Variants in TMEM170A observed in about 807,000 individuals in gnomAD.
TMEM170A encodes transmembrane protein 170A.
TMEM170A carries 18 observed loss-of-function variants against 12.8 expected under a neutral mutation model. That is an observed-to-expected ratio of 1.41 (90% CI 0.97 to 2.09). The LOEUF (loss-of-function observed/expected upper bound fraction) is 2.09. TMEM170A is among the 30% of genes most tolerant of loss of function. The pLI is 0.00. For missense variants in TMEM170A, 220 were observed against 179.9 expected (o/e 1.22, Z -1.28); for synonymous variants, 107 against 76.2 (o/e 1.40, Z -2.11).
In TMEM170A at chr16:75,444,530, C is replaced by G. The variant is rs2079552114; in HGVS notation, c.*3028G>C. ...AAGAAATCAGTTTTTGGCAAAAATT[C>G]TCAAAACTATATAAGGTAAAATGTT... On this transcript the variant is annotated 3_prime_UTR_variant, in exon 3 of 3. Coordinates refer to ENST00000561878, the MANE Select transcript of TMEM170A (RefSeq NM_145254.3). 3 of 152,096 alleles carry G rather than the reference C, an allele frequency of 2.0e-5. No homozygotes were observed. Among genetic ancestry groups the G allele is most frequent in the Admixed American group, 2.0e-4 (3 of 15,252 alleles). The allele number at this position is 152,096 out of a possible 1,614,324, so 9.4% of individuals were successfully genotyped here. A position where few individuals can be genotyped will look rare whatever the true frequency, so the allele number is the denominator to read the frequency against.
intron 2 of TMEM170A, among the ~76,000 whole-genome samples, chr16:75,448,736 C>T (rs1291544827): frequency 2.0e-5 from 3 of 151,834 alleles, no homozygotes; most frequent in Non-Finnish European, 2.9e-5. Context: ...TGCACTCAAG[C>T]CTGGGCAACA....
In TMEM170A at chr16:75,447,495, T is replaced by A; in HGVS notation, c.*63A>T. 2 of 1,546,312 alleles carry A rather than the reference T, an allele frequency of 1.3e-6. No homozygotes were observed. Among genetic ancestry groups the A allele is most frequent in the South Asian group, 2.4e-5 (2 of 82,576 alleles). On this transcript the variant is annotated 3_prime_UTR_variant, in exon 3 of 3. Transcript: ENST00000561878. ...AGAACTAAGAAAACACTACACTCCA[T>A]AATGTATTCTTTTGGAGGATTCCAT...
intron 2 of TMEM170A, 53 bp from the exon 3 acceptor site, chr16:75,447,741 ACT>A (rs2079613311): frequency 6.5e-7 from 1 of 1,546,682 alleles, no homozygotes; most frequent in Non-Finnish European, 8.7e-7. Context: ...AGGTTAACAA[ACT>A]CACGAAAATA....
chr16:75,459,730 GC>G (rs2079869006), intron 1 of TMEM170A, among the ~76,000 whole-genome samples: 1 of 151,954 alleles, frequency 6.6e-6, no homozygotes, highest in African/African-American at 2.4e-5. Flanking sequence ...GGTGGTGTCT[GC>G]CTCTAATCCC....
chr16:75,449,452 C>CT (rs1455012065), intron 2 of TMEM170A, among the ~76,000 whole-genome samples: 5 of 151,910 alleles, frequency 3.3e-5, no homozygotes. Flanking sequence ...GCAGCTGGGA[C>CT]TACAGGCACA....
rs1209231834 is a variant in TMEM170A at position 75,463,890 on chromosome 16, A to G, written c.133+578T>C. 2.6e-5 allele frequency among the ~76,000 whole-genome samples: 4 copies of G among 152,334 alleles called. No individual in the cohort carries two copies. The East Asian group carries it at 7.7e-4, about 29-fold the overall frequency. Reference sequence around the variant, plus strand: ...ATCTCGAAGGCTTAGTGGGAGACCCAGCAACAGGTGGCACCAGGTCTGGGA... The same window carrying G: ...ATCTCGAAGGCTTAGTGGGAGACCCGGCAACAGGTGGCACCAGGTCTGGGA... On this transcript the variant is annotated intron_variant, in intron 1 of 2. Transcript: ENST00000561878.
At chr16:75,464,153 T>C in intron 1 of TMEM170A, 2 of 1,413,638 alleles carry the variant, frequency 1.4e-6, no homozygotes, top group Non-Finnish European at 9.5e-7. Flanking sequence ...GGGGTGCAGC[T>C]CTGAACCTGA....
chr16:75,448,436 G>C (rs987788622), intron 2 of TMEM170A, among the ~76,000 whole-genome samples: 10 of 152,318 alleles, frequency 6.6e-5, no homozygotes, highest in African/African-American at 2.4e-4. Flanking sequence ...CCAAGGAAGT[G>C]TACCAAGAAA....
At chr16:75,459,663 C>G (rs947793810) in intron 1 of TMEM170A, among the ~76,000 whole-genome samples, 16 of 152,174 alleles carry the variant, frequency 1.1e-4, no homozygotes, top group African/African-American at 3.6e-4. Context: ...TCAAGACCAG[C>G]CTGGCCAACA....
At chr16:75,464,357 C>A (rs2079960021) in intron 1 of TMEM170A, 111 bp downstream of exon 1, 4 of 1,382,018 alleles carry the variant, frequency 2.9e-6, no homozygotes, top group South Asian at 1.7e-5. Context: ...AGGACAGCGC[C>A]CACGCCGCCA....
At position 75,464,494 on chromosome 16, in the gene TMEM170A, T is replaced by G. The variant is rs1397514152; in HGVS notation, c.107A>C (p.Asn36Thr). Residue 36 changes from asparagine (N) to threonine (T), a missense_variant, in exon 1 of 3, where the codon AAC (asparagine) becomes ACC (threonine). Transcript: ENST00000561878. ...PRVGNGTLCPNSTSLCSFPEM... is the reference protein window; with the variant it reads ...PRVGNGTLCPTSTSLCSFPEM... Reference sequence around the variant, plus strand: ...TGGGAAGGAGCAGAGGGAAGTAGAGTTGGGGCACAGGGTCCCGTTGCCCAC... The same window carrying G: ...TGGGAAGGAGCAGAGGGAAGTAGAGGTGGGGCACAGGGTCCCGTTGCCCAC... The G allele has an allele frequency of 6.4e-7, 1 of 1,572,992 alleles. No homozygotes were observed. Among genetic ancestry groups the G allele is most frequent in the Admixed American group, 1.8e-5 (1 of 54,268 alleles).
intron 1 of TMEM170A, among the ~76,000 whole-genome samples, chr16:75,454,849 G>C (rs1168223863): frequency 3.9e-5 from 6 of 152,106 alleles, no homozygotes. Flanking sequence ...AGGGTAATTT[G>C]GAAGTCAAAT....
In TMEM170A at chr16:75,464,557, A is replaced by G; in HGVS notation, c.44T>C (p.Leu15Pro). Residue 15 changes from leucine to proline, a missense_variant, in exon 1 of 3, where the codon CTC (leucine) becomes CCC (proline). By Grantham distance (98) the Leu-to-Pro change is moderately conservative. Transcript: ENST00000561878. ...CTTCAGGCTCAGGATCTGCTGCAGG[A>G]GCCCGGCCGACCCGCCGCTGCCGCC... ...GSGGSGGSAGLLQQILSLKVV... is the reference protein window; with the variant it reads ...GSGGSGGSAGPLQQILSLKVV... The G allele has an allele frequency of 6.3e-7, 1 of 1,586,818 alleles. No homozygotes were observed. The highest frequency in any genetic ancestry group is 8.6e-7 in the Non-Finnish European group (1 of 1,169,492).
chr16:75,455,987 C>T lies in TMEM170A; in HGVS notation c.134-4148G>A, dbSNP rs190182251. On this transcript the variant is annotated intron_variant, in intron 1 of 2. Transcript: ENST00000561878. ...CACACTGTTAGTGTGTGTGTTTTTT[C>T]CCCCAGATCAATGAAAACCACAGTT... Among the ~76,000 whole-genome samples the T allele has an allele frequency of 4.5e-3, 612 of 135,008 alleles. 5 individuals are homozygous for T. The highest frequency in any genetic ancestry group is 0.014 in the African/African-American group (547 of 37,736). 88.6% of individuals were successfully genotyped at this position (135,008 alleles called of 152,430 possible).
At chr16:75,457,699 C>A (rs1322372246) in intron 1 of TMEM170A, among the ~76,000 whole-genome samples, 1 of 152,162 alleles carries the variant, frequency 6.6e-6, no homozygotes, top group African/African-American at 2.4e-5. Flanking sequence ...AAGTCACCAA[C>A]CCACATCTCA....
Position 75,445,270 on chromosome 16 carries a change from C to T in TMEM170A, c.*2288G>A, listed in dbSNP as rs998256688. On this transcript the variant is annotated 3_prime_UTR_variant, in exon 3 of 3. Transcript: ENST00000561878. ...ACAACTCTACTTATAAGTTTCTGCCCGTGTATATGTCACTATAGTTTTGAT... is the reference window on the plus strand; with the variant it reads ...ACAACTCTACTTATAAGTTTCTGCCTGTGTATATGTCACTATAGTTTTGAT... The T allele has an allele frequency of 6.6e-6, 1 of 152,140 alleles. No individual in the cohort carries two copies. Among genetic ancestry groups the T allele is most frequent in the Non-Finnish European group, 1.5e-5 (1 of 68,020 alleles). The allele number at this position is 152,140 out of a possible 1,614,324, so 9.4% of individuals were successfully genotyped here. A position where few individuals can be genotyped will look rare whatever the true frequency, so the allele number is the denominator to read the frequency against.
chr16:75,449,689 G>T (rs1287043402), intron 2 of TMEM170A, among the ~76,000 whole-genome samples: 1 of 152,160 alleles, frequency 6.6e-6, no homozygotes, highest in Non-Finnish European at 1.5e-5. Flanking sequence ...TTAACCAAAG[G>T]TTGGCTGCCT....
At chr16:75,463,370 G>C (rs1350392180) in intron 1 of TMEM170A, among the ~76,000 whole-genome samples, 1 of 151,778 alleles carries the variant, frequency 6.6e-6, no homozygotes, top group African/African-American at 2.4e-5. Context: ...TTTCAGGAAT[G>C]ACCACAAGCG....
At chr16:75,459,596 C>G (rs918600556) in intron 1 of TMEM170A, among the ~76,000 whole-genome samples, 2 of 152,208 alleles carry the variant, frequency 1.3e-5, no homozygotes, top group African/African-American at 2.4e-5. Context: ...GTGGCTGACA[C>G]CTGTAATCCC....
Sources: allele counts gnomAD v4.1 joint callset (sites outside exome capture counted in the v4.1 genomes callset), GRCh38; gene constraint gnomAD v4.1.1; transcripts MANE v1.5; gene names NCBI Gene and HGNC (gene_info 2026-07-23, HGNC 2026-07-21).